Variants in DGKI observed in about 807,000 individuals in gnomAD.
The protein encoded by DGKI is DAG kinase iota.
DGKI carries 55 observed loss-of-function variants against 147.5 expected under a neutral mutation model. The observed-to-expected ratio is 0.37, with a 90% CI of 0.30 to 0.47. The LOEUF (loss-of-function observed/expected upper bound fraction) is 0.47, where lower values mean the gene tolerates loss of function less well. Ranked by LOEUF, DGKI falls within the 20% of genes least tolerant of loss-of-function variation. The pLI is 1.00. For missense variants in DGKI, 1,007 were observed against 1,323.8 expected (o/e 0.76, Z 3.71); for synonymous variants, 469 against 477.1 (o/e 0.98, Z 0.22).
intron 3 of DGKI, among the ~76,000 whole-genome samples, chr7:137,668,476 T>C (rs1410656880): frequency 6.6e-6 from 1 of 152,196 alleles, no homozygotes; most frequent in Non-Finnish European, 1.5e-5. Context: ...GTGACAGGTG[T>C]CTGTGTGTGT....
chr7:137,420,029 A>G (rs1355685161), intron 28 of DGKI, among the ~76,000 whole-genome samples: 1 of 152,240 alleles, frequency 6.6e-6, no homozygotes, highest in Non-Finnish European at 1.5e-5. Context: ...ACCTGGCAGC[A>G]GTTGGAGCTG....
intron 27 of DGKI, among the ~76,000 whole-genome samples, chr7:137,457,146 T>C (rs1585132438): frequency 6.6e-6 from 1 of 152,216 alleles, no homozygotes; most frequent in Non-Finnish European, 1.5e-5. Context: ...GTGAGCAAGA[T>C]TGAGCCCAGT....
At chr7:137,835,708 T>C (rs977425985) in intron 1 of DGKI, among the ~76,000 whole-genome samples, 1 of 152,196 alleles carries the variant, frequency 6.6e-6, no homozygotes, top group Non-Finnish European at 1.5e-5. Context: ...CAATGCAATA[T>C]GGATTTAGAA....
At chr7:137,684,937 G>A (rs534108832) in intron 2 of DGKI, among the ~76,000 whole-genome samples, 3 of 152,204 alleles carry the variant, frequency 2.0e-5, no homozygotes, top group South Asian at 2.1e-4. Flanking sequence ...GAGCACGCAC[G>A]CACAAACACG....
intron 21 of DGKI, among the ~76,000 whole-genome samples, chr7:137,498,862 A>C (rs1369468550): frequency 3.3e-5 from 5 of 152,208 alleles, no homozygotes; most frequent in African/African-American, 1.2e-4. Context: ...GTGAAGCAGA[A>C]AAATTCAAAG....
At chr7:137,443,862 G>A (rs73443763) in intron 28 of DGKI, among the ~76,000 whole-genome samples, 1,606 of 152,288 alleles carry the variant, frequency 0.011, 29 homozygotes, top group African/African-American at 0.037. Flanking sequence ...CACAATATTC[G>A]TCAACCAGAC....
intron 21 of DGKI, among the ~76,000 whole-genome samples, chr7:137,505,610 G>A (rs1816339623): frequency 6.7e-6 from 1 of 149,906 alleles, no homozygotes; most frequent in South Asian, 2.2e-4. Context: ...GTTTCAGAGT[G>A]TAAATTTGTG....
rs571350485 is a variant in DGKI, at chr7:137,720,382, C to T, written c.402-30380G>A. Among the ~76,000 whole-genome samples the T allele has an allele frequency of 4.5e-4, 69 of 151,670 alleles. No homozygotes were observed. In the East Asian group the frequency reaches 9.5e-3, roughly 21 times the overall value. On this transcript the variant is annotated intron_variant, in intron 1 of 32. Transcript: ENST00000614521. ...ACACCATTCTCCTGCCTCAGCCCCC[C>T]GAGTGGCTGGGACCACAGGCGCCTG...
intron 3 of DGKI, among the ~76,000 whole-genome samples, chr7:137,670,969 G>A (rs1193348387): frequency 6.6e-6 from 1 of 152,206 alleles, no homozygotes; most frequent in Admixed American, 6.5e-5. Context: ...AAAGTCCCCA[G>A]TAATGCATGT....
intron 1 of DGKI, among the ~76,000 whole-genome samples, chr7:137,762,117 C>T (rs190567429): frequency 3.3e-5 from 5 of 152,278 alleles, no homozygotes; most frequent in African/African-American, 7.2e-5. Context: ...CAAATCATTC[C>T]GTATACGGTA....
chr7:137,787,760 C>T (rs995086173), intron 1 of DGKI, among the ~76,000 whole-genome samples: 6 of 152,040 alleles, frequency 3.9e-5, no homozygotes, highest in South Asian at 4.1e-4. Context: ...TATATACAGA[C>T]GGAATACTAC....
chr7:137,425,459 C>A (rs1313080096), intron 28 of DGKI, among the ~76,000 whole-genome samples: 1 of 152,160 alleles, frequency 6.6e-6, no homozygotes, highest in Non-Finnish European at 1.5e-5. Flanking sequence ...AAAAACAGAG[C>A]AGAAAGACTG....
At chr7:137,809,119 G>A (rs1357512649) in intron 1 of DGKI, among the ~76,000 whole-genome samples, 1 of 152,172 alleles carries the variant, frequency 6.6e-6, no homozygotes, top group African/African-American at 2.4e-5. Flanking sequence ...GAGGTACAAT[G>A]AGCTCAGACT....
rs370822496 is a variant in DGKI, at chr7:137,615,458, ATCT to A, written c.993+4363_993+4365del. Among the ~76,000 whole-genome samples, 436 of 152,066 alleles carry A rather than the reference ATCT, an allele frequency of 2.9e-3. 1 individual carries two copies. The highest frequency in any genetic ancestry group is 0.01 in the African/African-American group (417 of 41,480). ...ACATGAACTGAATTCAATTAAGAAC[ATCT>A]TCTCTATTATTTATTTTGAAGCAGT... On this transcript the variant is annotated intron_variant, in intron 8 of 32. Transcript: ENST00000614521.
At chr7:137,622,976 C>T (rs1470710076) in intron 7 of DGKI, among the ~76,000 whole-genome samples, 1 of 152,156 alleles carries the variant, frequency 6.6e-6, no homozygotes, top group Non-Finnish European at 1.5e-5. Context: ...AAAAAGCATA[C>T]AAGAACCACT....
intron 19 of DGKI, among the ~76,000 whole-genome samples, chr7:137,570,319 A>C (rs1197202036): frequency 1.3e-5 from 2 of 152,234 alleles, no homozygotes; most frequent in African/African-American, 2.4e-5. Flanking sequence ...TACTTACACT[A>C]TAAATTTCCT....
chr7:137,726,701 G>A (rs1461187988), intron 1 of DGKI, among the ~76,000 whole-genome samples: 2 of 152,168 alleles, frequency 1.3e-5, no homozygotes, highest in South Asian at 4.1e-4. Flanking sequence ...GGAGACGTCA[G>A]CCAAGAATGA....
chr7:137,835,586 T>A (rs554193196), intron 1 of DGKI, among the ~76,000 whole-genome samples: 1 of 152,316 alleles, frequency 6.6e-6, no homozygotes, highest in African/African-American at 2.4e-5. Context: ...CTGTTTTTTT[T>A]TCTTTTTCCC....
intron 21 of DGKI, among the ~76,000 whole-genome samples, chr7:137,499,333 G>A (rs1383568949): frequency 6.6e-6 from 1 of 152,152 alleles, no homozygotes; most frequent in Non-Finnish European, 1.5e-5. Flanking sequence ...TATACGCACT[G>A]TGATGATTAA....
Sources: allele counts gnomAD v4.1 joint callset (sites outside exome capture counted in the v4.1 genomes callset), GRCh38; gene constraint gnomAD v4.1.1; transcripts MANE v1.5; gene names NCBI Gene and HGNC (gene_info 2026-07-23, HGNC 2026-07-21).